The following ADAMTSL1 variants were observed in gnomAD, a reference collection of about 807,000 sequenced individuals.
ADAMTSL1 encodes ADAMTS-like protein 1.
In ADAMTSL1, 126 loss-of-function variants were observed where a neutral mutation model predicts 201.8. The ratio of observed to expected loss-of-function variants is 0.62; its 90% CI spans 0.54 to 0.72. The LOEUF (loss-of-function observed/expected upper bound fraction) is 0.72. ADAMTSL1 is among the 30% of genes least tolerant of loss of function. The pLI is 0.00. For synonymous variants in ADAMTSL1, 1,121 were observed against 903.4 expected (o/e 1.24, Z -4.32); for missense variants, 2,679 against 2,277.8 (o/e 1.18, Z -3.59).
rs962326043 is a variant in ADAMTSL1 at position 18,826,469 on chromosome 9, C to T, written c.4114+6C>T. The stretch of plus-strand genomic sequence containing the variant: ...CACCCAGCTGCTGATCCTAGGTAAA[C>T]ACTTCAAAGCTGGCTGCCTCTGCTG... On this transcript the variant is annotated splice_donor_region_variant and intron_variant, in intron 22 of 28. Coordinates refer to ENST00000380548, the MANE Select transcript of ADAMTSL1 (RefSeq NM_001040272.6). 4 of 1,610,246 alleles carry T rather than the reference C, an allele frequency of 2.5e-6. No individual in the cohort carries two copies. The highest frequency in any genetic ancestry group is 3.4e-5 in the Admixed American group (2 of 59,646).
intron 22 of ADAMTSL1, among the ~76,000 whole-genome samples, chr9:18,827,646 C>A (rs998366208): frequency 6.6e-6 from 1 of 152,140 alleles, no homozygotes; most frequent in African/African-American, 2.4e-5. Flanking sequence ...ATTTTTCTCC[C>A]TAATAATCCT....
At chr9:18,300,405 G>T (rs1281916537) in intron 2 of ADAMTSL1, among the ~76,000 whole-genome samples, 1 of 138,276 alleles carries the variant, frequency 7.2e-6, no homozygotes, top group Non-Finnish European at 1.5e-5. Context: ...GGTGGGAATT[G>T]AACAATGAGA....
chr9:18,816,720 C>CTTTTTTTTTTT (rs751791974), intron 20 of ADAMTSL1, among the ~76,000 whole-genome samples: 3 of 39,720 alleles, frequency 7.6e-5, no homozygotes, highest in East Asian at 9.0e-4. Context: ...AACCCTTGGT[C>CTTTTTTTTTTT]TTTTTTTTTT....
intron 2 of ADAMTSL1, among the ~76,000 whole-genome samples, chr9:18,357,134 G>T (rs1415781382): frequency 2.0e-5 from 3 of 152,114 alleles, no homozygotes; most frequent in Admixed American, 6.5e-5. Context: ...TTGGATGCCT[G>T]AAATGTGTAA....
Position 18,354,332 on chromosome 9 carries a change from G to T in ADAMTSL1, c.208-150497G>T, listed in dbSNP as rs146717428. ...TACATACATCTTTATCTCTATCCCT[G>T]GTTGTTTTTCATGTATTTGATTAAG... On this transcript the variant is annotated intron_variant, in intron 2 of 29. Transcript: ENST00000680146. Among the ~76,000 whole-genome samples, 923 of 151,920 alleles carry T rather than the reference G, an allele frequency of 6.1e-3. 10 individuals carry two copies. Among genetic ancestry groups the T allele is most frequent in the African/African-American group, 0.02 (849 of 41,442 alleles).
At chr9:18,181,458 G>A (rs10756948) in intron 2 of ADAMTSL1, among the ~76,000 whole-genome samples, 489 of 151,546 alleles carry the variant, frequency 3.2e-3, no homozygotes, top group Non-Finnish European at 5.0e-3. Flanking sequence ...CAAACAACCC[G>A]ATCAAAAAGT....
intron 23 of ADAMTSL1, among the ~76,000 whole-genome samples, chr9:18,874,784 C>A (rs541927797): frequency 6.6e-6 from 1 of 152,134 alleles, no homozygotes; most frequent in East Asian, 1.9e-4. Flanking sequence ...GCTTCATAGA[C>A]TGATTTAGGG....
chr9:18,491,269 A>T (rs1483133444), intron 1 of ADAMTSL1, among the ~76,000 whole-genome samples: 1 of 152,170 alleles, frequency 6.6e-6, no homozygotes, highest in Non-Finnish European at 1.5e-5. Flanking sequence ...TGTGGCCAAG[A>T]TCCATTTTAA....
At chr9:18,111,914 T>C (rs1375171430) in intron 1 of ADAMTSL1, among the ~76,000 whole-genome samples, 1 of 152,040 alleles carries the variant, frequency 6.6e-6, no homozygotes, top group Non-Finnish European at 1.5e-5. Flanking sequence ...TAGTTAGAAA[T>C]TAATATTTTT....
intron 14 of ADAMTSL1, among the ~76,000 whole-genome samples, chr9:18,721,213 A>G (rs1401943682): frequency 6.6e-6 from 1 of 152,188 alleles, no homozygotes; most frequent in Non-Finnish European, 1.5e-5. Context: ...TCATTGAAGT[A>G]TCATGTTCCA....
At chr9:18,742,461 G>A (rs994076756) in intron 15 of ADAMTSL1, among the ~76,000 whole-genome samples, 1 of 152,220 alleles carries the variant, frequency 6.6e-6, no homozygotes, top group Admixed American at 6.5e-5. Flanking sequence ...CAGATTAAAT[G>A]CTATAGCAGT....
At chr9:17,988,443 A>G (rs1360778267) in intron 1 of ADAMTSL1, among the ~76,000 whole-genome samples, 1 of 152,052 alleles carries the variant, frequency 6.6e-6, no homozygotes, top group Non-Finnish European at 1.5e-5. Context: ...ATATATTGTA[A>G]GTTTCCCCAG....
chr9:18,631,520 G>C (rs1826771896), intron 5 of ADAMTSL1, among the ~76,000 whole-genome samples: 3 of 152,130 alleles, frequency 2.0e-5, no homozygotes, highest in African/African-American at 7.2e-5. Flanking sequence ...TAAAGTGTCA[G>C]CTCCATAGGC....
At chr9:18,717,209 C>T (rs1054228572) in intron 14 of ADAMTSL1, among the ~76,000 whole-genome samples, 25 of 147,430 alleles carry the variant, frequency 1.7e-4, no homozygotes, top group African/African-American at 6.2e-4. Flanking sequence ...ACATTGTGCA[C>T]ATGTACCCTA....
intron 2 of ADAMTSL1, among the ~76,000 whole-genome samples, chr9:18,195,234 C>T (rs930955736): frequency 1.3e-5 from 2 of 152,140 alleles, no homozygotes; most frequent in South Asian, 4.1e-4. Context: ...TGGTTCTACC[C>T]TTGCGCAGCC....
At chr9:18,806,078 C>T (rs1292482709) in intron 20 of ADAMTSL1, among the ~76,000 whole-genome samples, 3 of 152,144 alleles carry the variant, frequency 2.0e-5, no homozygotes, top group Non-Finnish European at 4.4e-5. Context: ...GAAGTATATT[C>T]GTGACTTACA....
intron 15 of ADAMTSL1, among the ~76,000 whole-genome samples, chr9:18,735,068 C>T (rs923125278): frequency 9.2e-5 from 14 of 152,190 alleles, no homozygotes; most frequent in African/African-American, 2.7e-4. Context: ...GAACTTGAAG[C>T]CTCACAATTT....
intron 1 of ADAMTSL1, among the ~76,000 whole-genome samples, chr9:17,941,668 G>A (rs954207222): frequency 1.3e-5 from 2 of 152,076 alleles, no homozygotes; most frequent in African/African-American, 4.8e-5. Context: ...AATAACCAGT[G>A]TAGTCATATG....
chr9:18,849,830 C>T (rs1292461173), intron 23 of ADAMTSL1, among the ~76,000 whole-genome samples: 1 of 152,154 alleles, frequency 6.6e-6, no homozygotes, highest in Admixed American at 6.5e-5. Context: ...TTATTTATGG[C>T]TCCTGTTTAT....
Sources: gnomAD v4.1 joint callset for allele counts (sites outside exome capture counted in the v4.1 genomes callset) on GRCh38, gnomAD v4.1.1 for gene constraint, MANE v1.5 for transcripts, NCBI Gene and HGNC (gene_info 2026-07-23, HGNC 2026-07-21) for gene names.